CTNNA1: variants seen among roughly 807,000 people sequenced by gnomAD.
The protein encoded by CTNNA1 is catenin alpha 1.
CTNNA1 carries 37 observed loss-of-function variants against 98.4 expected under a neutral mutation model. The ratio of observed to expected loss-of-function variants is 0.38; its 90% confidence interval spans 0.29 to 0.49. The LOEUF is 0.49. Ranked by LOEUF, CTNNA1 falls within the 20% of genes least tolerant of loss-of-function variation. CTNNA1 has a pLI of 0.95. For missense variants in CTNNA1, 761 were observed against 1,147.2 expected (o/e 0.66, Z 4.86); for synonymous variants, 404 against 413.2 (o/e 0.98, Z 0.27).
chr5:138,761,891 G>C (rs1023481189), intron 1 of CTNNA1: 10 of 152,172 alleles, frequency 6.6e-5, no homozygotes, highest in African/African-American at 2.4e-4. Flanking sequence ...ATGGAGCTGG[G>C]ACTACAGGCG....
rs776129690 is a variant in CTNNA1, at chr5:138,874,307, C to A, written c.1063-11905C>A. ...ATCTAAGTGGAGCCAAGTAAGTTGA[C>A]TGAAGCTGGCAAATTGATCTCTTTC... On this transcript the variant is annotated intron_variant, in intron 7 of 17. Coordinates refer to ENST00000302763, the MANE Select transcript of CTNNA1 (RefSeq NM_001903.5). The surrounding 1 kb of genome is among the most constrained non-coding windows in gnomAD (Gnocchi z 4.1). 2 of 1,614,032 alleles carry A rather than the reference C, an allele frequency of 1.2e-6. No individual in the cohort carries two copies. Among genetic ancestry groups the A allele is most frequent in the East Asian group, 4.5e-5 (2 of 44,888 alleles).
At chr5:138,925,184 G>GT in intron 12 of CTNNA1, 72 bp from the exon 13 acceptor site, 1 of 1,538,460 alleles carries the variant, frequency 6.5e-7, no homozygotes, top group Non-Finnish European at 8.8e-7. Context: ...GTCTAGCTGA[G>GT]TGATTCAGGG....
chr5:138,867,532 A>C (rs2149904083), intron 7 of CTNNA1, among the ~76,000 whole-genome samples: 1 of 152,180 alleles, frequency 6.6e-6, no homozygotes, highest in Middle Eastern at 3.4e-3. Context: ...ATGAATTGTT[A>C]AGGTCTACTT....
intron 9 of CTNNA1, among the ~76,000 whole-genome samples, chr5:138,893,697 C>A (rs776937677): frequency 2.6e-5 from 4 of 151,968 alleles, no homozygotes; most frequent in Admixed American, 2.6e-4. Flanking sequence ...AATCTCGGCT[C>A]ACTGCAACCT....
In CTNNA1 at chr5:138,917,643, G is replaced by C; in HGVS notation, c.1390-99G>C. The C allele has an allele frequency of 4.9e-6, 6 of 1,218,976 alleles. No individual in the cohort carries two copies. In the South Asian group the frequency reaches 7.3e-5, roughly 15 times the overall value. The allele number at this position is 1,218,976 out of a possible 1,614,324, so 75.5% of individuals were successfully genotyped here. On this transcript the variant is annotated intron_variant, in intron 10 of 17. Coordinates refer to ENST00000302763, the MANE Select transcript of CTNNA1 (RefSeq NM_001903.5). ...TTCCCCTTCATCTTTGTGATAGTTAGGATAGAGCATGTGGTGTGATGTCTC... is the reference window on the plus strand; with the variant it reads ...TTCCCCTTCATCTTTGTGATAGTTACGATAGAGCATGTGGTGTGATGTCTC...
chr5:138,877,334 G>A (rs559726237), intron 7 of CTNNA1, among the ~76,000 whole-genome samples: 3 of 152,092 alleles, frequency 2.0e-5, no homozygotes, highest in African/African-American at 7.2e-5. Context: ...GGTTGAGTCC[G>A]ATTCCTACAG....
At chr5:138,908,753 C>T (rs924382127) in intron 10 of CTNNA1, among the ~76,000 whole-genome samples, 1 of 151,936 alleles carries the variant, frequency 6.6e-6, no homozygotes, top group South Asian at 2.1e-4. Flanking sequence ...CATTTTTTGG[C>T]GATTTGTTAT....
chr5:138,838,184 A>G (rs1348203757), intron 7 of CTNNA1, among the ~76,000 whole-genome samples: 2 of 152,260 alleles, frequency 1.3e-5, no homozygotes, highest in Non-Finnish European at 2.9e-5. Flanking sequence ...TACAGGCGTG[A>G]GCCATGGCAC....
intron 7 of CTNNA1, among the ~76,000 whole-genome samples, chr5:138,839,095 G>A (rs1762050572): frequency 6.6e-6 from 1 of 152,040 alleles, no homozygotes. Flanking sequence ...ATTCCATATG[G>A]TCAGAGAACA....
intron 17 of CTNNA1, 92 bp downstream of exon 17, chr5:138,932,804 C>G (rs2150350812): frequency 6.7e-7 from 1 of 1,493,954 alleles, no homozygotes; most frequent in East Asian, 2.3e-5. Flanking sequence ...AAACACCTGC[C>G]CTGGGAAAGT....
intron 3 of CTNNA1, among the ~76,000 whole-genome samples, chr5:138,790,282 A>G (rs1561528737): frequency 1.3e-5 from 2 of 152,196 alleles, no homozygotes; most frequent in Non-Finnish European, 2.9e-5. Flanking sequence ...GTATGTGAAA[A>G]GTTGTAGTAA....
At chr5:138,904,515 G>T in intron 10 of CTNNA1, 74 bp downstream of exon 10, 1 of 1,548,914 alleles carries the variant, frequency 6.5e-7, no homozygotes, top group Non-Finnish European at 8.8e-7. Context: ...GGTTTATTTT[G>T]TTAAGTTTTG....
intron 4 of CTNNA1, among the ~76,000 whole-genome samples, chr5:138,810,593 A>G (rs1293189568): frequency 6.6e-6 from 1 of 152,104 alleles, no homozygotes; most frequent in Non-Finnish European, 1.5e-5. Context: ...TGTTTCAGAG[A>G]GCACAGGGTT....
At chr5:138,771,061 C>T (rs1753498080) in intron 1 of CTNNA1, among the ~76,000 whole-genome samples, 1 of 151,976 alleles carries the variant, frequency 6.6e-6, no homozygotes, top group African/African-American at 2.4e-5. Context: ...AGCTCTCATA[C>T]TGTCTTCTTT....
intron 1 of CTNNA1, among the ~76,000 whole-genome samples, chr5:138,759,751 T>G (rs1385434530): frequency 6.6e-6 from 1 of 152,174 alleles, no homozygotes; most frequent in Non-Finnish European, 1.5e-5. Context: ...TGCCCGTGGC[T>G]GGGGGCTAGG....
chr5:138,842,128 T>G (rs1263720681), intron 7 of CTNNA1, among the ~76,000 whole-genome samples: 1 of 152,182 alleles, frequency 6.6e-6, no homozygotes, highest in African/African-American at 2.4e-5. Flanking sequence ...GGCAAAACTC[T>G]ATCTCTATAA....
In CTNNA1 at chr5:138,930,468, C is replaced by G. The variant is rs762497312; in HGVS notation, c.2011-5C>G. The G allele has an allele frequency of 1.2e-5, 20 of 1,606,484 alleles. No individual in the cohort carries two copies. In the South Asian group the frequency reaches 2.0e-4, roughly 16 times the overall value. ...TGTAAGAGCTCTTTGTGCTTCTGAT[C>G]ACAGGCGATCATGGCTCAGCTTCCC... On this transcript the variant is annotated splice_polypyrimidine_tract_variant and splice_region_variant and intron_variant, in intron 14 of 17. Transcript: ENST00000302763.
At chr5:138,840,750 G>A (rs1297028425) in intron 7 of CTNNA1, among the ~76,000 whole-genome samples, 1 of 151,092 alleles carries the variant, frequency 6.6e-6, no homozygotes, top group East Asian at 1.9e-4. Flanking sequence ...TTTAAAATTA[G>A]GTGTCTTAGA....
chr5:138,895,780 G>A (rs1440031982), intron 9 of CTNNA1, among the ~76,000 whole-genome samples: 3 of 152,100 alleles, frequency 2.0e-5, no homozygotes, highest in Non-Finnish European at 4.4e-5. Flanking sequence ...ATACGTGCAA[G>A]TTGTCCATTT....
Sources: gnomAD v4.1 joint callset for allele counts (sites outside exome capture counted in the v4.1 genomes callset) on GRCh38, gnomAD v4.1.1 for gene constraint, Gnocchi (gnomAD v3.1) non-coding constraint, MANE v1.5 for transcripts, NCBI Gene and HGNC (gene_info 2026-07-23, HGNC 2026-07-21) for gene names.